UNC13C: variants seen among roughly 807,000 people sequenced by gnomAD.
UNC13C encodes unc-13 homolog C.
In UNC13C, 174 loss-of-function variants were observed where a neutral mutation model predicts 245.4. The ratio of observed to expected loss-of-function variants is 0.71; its 90% CI spans 0.63 to 0.80. The LOEUF (loss-of-function observed/expected upper bound fraction) is 0.80, where lower values mean the gene tolerates loss of function less well. Among genes scored for constraint, UNC13C ranks in the 30% least tolerant of loss-of-function variants. UNC13C has a pLI of 0.00. For missense variants in UNC13C, 2,829 were observed against 2,602.9 expected (o/e 1.09, Z -1.89); for synonymous variants, 992 against 895.1 (o/e 1.11, Z -1.93).
intron 18 of UNC13C, among the ~76,000 whole-genome samples, chr15:54,405,775 T>G (rs972457995): frequency 1.3e-5 from 2 of 152,182 alleles, no homozygotes; most frequent in Admixed American, 1.3e-4. Context: ...TCATAATTGT[T>G]CATTTTTTCT....
intron 31 of UNC13C, among the ~76,000 whole-genome samples, chr15:54,623,181 A>T (rs1010850490): frequency 6.6e-6 from 1 of 151,390 alleles, no homozygotes; most frequent in Non-Finnish European, 1.5e-5. Context: ...TACACATGAG[A>T]ATCTTCATTT....
At chr15:53,889,638 A>G in the UNC13C span, among the ~76,000 whole-genome samples, 1 of 152,160 alleles carries the variant, frequency 6.6e-6, no homozygotes, top group Non-Finnish European at 1.5e-5. Flanking sequence ...GCTGGTTTTC[A>G]AAGGGAATGC....
chr15:54,271,242 C>G (rs1193036052), intron 10 of UNC13C, among the ~76,000 whole-genome samples: 1 of 152,052 alleles, frequency 6.6e-6, no homozygotes, highest in African/African-American at 2.4e-5. Flanking sequence ...ATGTTTAATT[C>G]CTAAAATATC....
At chr15:53,931,062 C>T in the UNC13C span, among the ~76,000 whole-genome samples, 2 of 152,156 alleles carry the variant, frequency 1.3e-5, no homozygotes, top group Admixed American at 6.5e-5. Context: ...TGACAACTGT[C>T]GAATGCCATT....
intron 2 of UNC13C, among the ~76,000 whole-genome samples, chr15:54,020,462 TTA>T (rs1352897144): frequency 0.023 from 2,586 of 113,604 alleles, 116 homozygotes; most frequent in African/African-American, 0.078. Flanking sequence ...TTTTTTTTTT[TTA>T]ATTAGAGATG....
At chr15:54,134,001 G>T (rs903531043) in intron 2 of UNC13C, among the ~76,000 whole-genome samples, 120 of 152,004 alleles carry the variant, frequency 7.9e-4, no homozygotes, top group African/African-American at 2.7e-3. Context: ...ATTGTGAAAT[G>T]ATTACCACAA....
intron 24 of UNC13C, among the ~76,000 whole-genome samples, chr15:54,517,883 C>T (rs1421254540): frequency 6.6e-6 from 1 of 152,140 alleles, no homozygotes; most frequent in Non-Finnish European, 1.5e-5. Context: ...ATTGTTATAA[C>T]TTATCCTGCA....
the UNC13C span, among the ~76,000 whole-genome samples, chr15:53,898,248 G>A: frequency 1.3e-5 from 2 of 151,978 alleles, no homozygotes; most frequent in Non-Finnish European, 2.9e-5. Flanking sequence ...TACTGTTAAA[G>A]TTGGGACTAT....
chr15:54,181,731 A>T (rs1455661185), intron 4 of UNC13C, among the ~76,000 whole-genome samples: 2 of 151,734 alleles, frequency 1.3e-5, no homozygotes, highest in Non-Finnish European at 2.9e-5. Flanking sequence ...TTTTAGTAGC[A>T]TTTTGTAGTT....
the UNC13C span, among the ~76,000 whole-genome samples, chr15:53,921,936 C>T: frequency 6.6e-6 from 1 of 152,114 alleles, no homozygotes; most frequent in South Asian, 2.1e-4. Context: ...CTAACTGCGA[C>T]TTGTGAGTTA....
At chr15:54,146,601 G>C (rs929055122) in intron 4 of UNC13C, among the ~76,000 whole-genome samples, 2 of 152,154 alleles carry the variant, frequency 1.3e-5, no homozygotes, top group African/African-American at 4.8e-5. Flanking sequence ...GAGAAGAGGT[G>C]ACAGAAAAAT....
At chr15:54,609,667 A>G (rs895142820) in intron 30 of UNC13C, among the ~76,000 whole-genome samples, 2 of 152,200 alleles carry the variant, frequency 1.3e-5, no homozygotes, top group African/African-American at 4.8e-5. Context: ...ATTCTCCCAG[A>G]CCTTCAATCA....
intron 4 of UNC13C, among the ~76,000 whole-genome samples, chr15:54,191,446 A>G (rs1231221933): frequency 1.3e-5 from 2 of 152,110 alleles, no homozygotes; most frequent in East Asian, 1.9e-4. Context: ...TATCCAGTCT[A>G]TCATTGATGG....
intron 2 of UNC13C, among the ~76,000 whole-genome samples, chr15:54,038,122 ATATTTTTT>A (rs1319300180): frequency 2.0e-5 from 1 of 50,256 alleles, no homozygotes; most frequent in East Asian, 7.8e-4. Flanking sequence ...ATATATATAT[ATATTTTTT>A]TTTTTTTTTT....
the UNC13C span, among the ~76,000 whole-genome samples, chr15:53,868,158 A>G: frequency 1.3e-5 from 2 of 152,288 alleles, no homozygotes; most frequent in Admixed American, 6.5e-5. Flanking sequence ...ATATTAAACT[A>G]TCAATGGGAA....
intron 30 of UNC13C, among the ~76,000 whole-genome samples, chr15:54,569,931 G>A (rs997617191): frequency 2.0e-4 from 30 of 151,730 alleles, no homozygotes; most frequent in African/African-American, 7.0e-4. Context: ...ATCCACCCTC[G>A]CCCAGCTGCC....
chr15:54,203,753 T>TACAC (rs376333507), intron 4 of UNC13C, among the ~76,000 whole-genome samples: 2 of 100,968 alleles, frequency 2.0e-5, no homozygotes, highest in Non-Finnish European at 5.0e-5. Context: ...TATGTATATA[T>TACAC]ACACATATAT....
At chr15:54,214,263 C>G (rs1313318301) in intron 4 of UNC13C, among the ~76,000 whole-genome samples, 1 of 151,952 alleles carries the variant, frequency 6.6e-6, no homozygotes, top group African/African-American at 2.4e-5. Flanking sequence ...ATGAGATACA[C>G]AGCCCAGGAG....
intron 18 of UNC13C, among the ~76,000 whole-genome samples, chr15:54,399,639 T>C (rs1435688516): frequency 6.6e-6 from 1 of 151,722 alleles, no homozygotes; most frequent in Non-Finnish European, 1.5e-5. Context: ...AGTATCTCAA[T>C]GTATTGAGTA....
Sources: allele counts gnomAD v4.1 joint callset (sites outside exome capture counted in the v4.1 genomes callset), GRCh38; gene constraint gnomAD v4.1.1; transcripts MANE v1.5; gene names NCBI Gene and HGNC (gene_info 2026-07-23, HGNC 2026-07-21).